Variants in PFKFB3 observed in about 807,000 individuals in gnomAD.
PFKFB3 encodes 6-phosphofructo-2-kinase/fructose-2,6-biphosphatase 3.
In PFKFB3, 33 loss-of-function variants were observed where a neutral mutation model predicts 68.0. The observed-to-expected ratio is 0.49, with a 90% CI of 0.37 to 0.65. PFKFB3 has a LOEUF of 0.65. Ranked by LOEUF, PFKFB3 falls within the 30% of genes least tolerant of loss-of-function variation. The pLI is 0.00. For synonymous variants in PFKFB3, 315 were observed against 288.2 expected (o/e 1.09, Z -0.94); for missense variants, 586 against 712.2 (o/e 0.82, Z 2.02).
At chr10:6,213,506 G>T in intron 1 of PFKFB3, 117 bp from the exon 2 acceptor site, 1 of 1,229,906 alleles carries the variant, frequency 8.1e-7, no homozygotes, top group South Asian at 1.4e-5. Context: ...AACAGAGTGA[G>T]ACCCTGTCTC....
At chr10:6,238,477 CAAAAAAAAAAAA>C (rs71390201), downstream of PFKFB3, among the ~76,000 whole-genome samples, 182 of 89,544 alleles carry the variant, frequency 2.0e-3, 1 homozygote, top group Non-Finnish European at 2.7e-3. Flanking sequence ...GGTGCCATCT[CAAAAAAAAAAAA>C]AAAAAAAAAA....
chr10:6,284,489 T>C, the PFKFB3 span, among the ~76,000 whole-genome samples: 1 of 152,354 alleles, frequency 6.6e-6, no homozygotes, highest in East Asian at 1.9e-4. Context: ...CTGAAATTAA[T>C]ACAAATACTC....
chr10:6,223,260 C>A (rs188331759), intron 11 of PFKFB3, among the ~76,000 whole-genome samples: 57 of 152,316 alleles, frequency 3.7e-4, no homozygotes, highest in African/African-American at 1.3e-3. Context: ...CTCCACACAT[C>A]CCAGGGTCTT....
intron 1 of PFKFB3, among the ~76,000 whole-genome samples, chr10:6,177,462 T>TTCTTTCTTTCTTTC (rs1842550352): frequency 1.5e-5 from 2 of 132,276 alleles, no homozygotes; most frequent in South Asian, 5.2e-4. Flanking sequence ...CTTTCTTTCT[T>TTCTTTCTTTCTTTC]TCTTTCTTTC....
At chr10:6,156,125 ATATATGTG>A (rs879507963) in intron 1 of PFKFB3, among the ~76,000 whole-genome samples, 8 of 75,992 alleles carry the variant, frequency 1.1e-4, no homozygotes, top group Admixed American at 5.5e-4. Flanking sequence ...ATATGTACAT[ATATATGTG>A]TGTGTGTGTG....
At chr10:6,221,004 C>T (rs532448175) in intron 8 of PFKFB3, 139 bp downstream of exon 8, 66 of 810,682 alleles carry the variant, frequency 8.1e-5, no homozygotes, top group Non-Finnish European at 1.3e-4. Context: ...TCTGTGTGTG[C>T]GCCTGCACGT....
At position 6,203,189 on chromosome 10, in the gene PFKFB3, G is replaced by C. The variant is rs1010145020; in HGVS notation, c.-72G>C. ...CCCCCTCTCCTCCTTTGTTCCGGGG[G>C]TCGGCGGCCGCTCTCCTGCCAGCGT... On this transcript the variant is annotated 5_prime_UTR_variant, in exon 1 of 15. Coordinates refer to ENST00000379775, the MANE Select transcript of PFKFB3 (RefSeq NM_004566.4). The C allele has an allele frequency of 1.9e-6, 3 of 1,565,466 alleles. No homozygotes were observed. The highest frequency in any genetic ancestry group is 4.7e-5 in the East Asian group (2 of 42,134).
At chr10:6,180,189 A>C (rs955865254) in intron 1 of PFKFB3, among the ~76,000 whole-genome samples, 11 of 148,144 alleles carry the variant, frequency 7.4e-5, no homozygotes, top group South Asian at 4.4e-4. Context: ...AAGAAAAAAA[A>C]AATGCTGTAA....
At chr10:6,325,111 C>T in the PFKFB3 span, among the ~76,000 whole-genome samples, 2 of 151,984 alleles carry the variant, frequency 1.3e-5, no homozygotes, top group African/African-American at 2.4e-5. Context: ...TTACAGGCGC[C>T]GGCCACCACA....
intron 1 of PFKFB3, among the ~76,000 whole-genome samples, chr10:6,152,508 T>C (rs1467790626): frequency 6.6e-6 from 1 of 152,006 alleles, no homozygotes; most frequent in Admixed American, 6.6e-5. Flanking sequence ...TCTGGGACGT[T>C]TGCACGAGGA....
chr10:6,176,523 C>G (rs1285102699), intron 1 of PFKFB3, among the ~76,000 whole-genome samples: 1 of 152,146 alleles, frequency 6.6e-6, no homozygotes, highest in Admixed American at 6.5e-5. Context: ...CCACCCACCT[C>G]AGCCTCCTAG....
chr10:6,254,592 C>A, exon 15 of PFKFB3: 1 of 367,970 alleles, frequency 2.7e-6, no homozygotes, highest in Non-Finnish European at 4.8e-6. Context: ...TCCCATACAA[C>A]CATTCTGTTT....
the PFKFB3 span, among the ~76,000 whole-genome samples, chr10:6,300,482 G>A: frequency 6.6e-6 from 1 of 152,186 alleles, no homozygotes; most frequent in Non-Finnish European, 1.5e-5. Flanking sequence ...CCCTCTCTCT[G>A]TGCCTATGCA....
chr10:6,167,401 G>T (rs1271671323), intron 1 of PFKFB3, among the ~76,000 whole-genome samples: 1 of 152,180 alleles, frequency 6.6e-6, no homozygotes. Flanking sequence ...CTGAGCTCCT[G>T]GATTCATTTG....
chr10:6,285,710 C>T, the PFKFB3 span, among the ~76,000 whole-genome samples: 9 of 152,072 alleles, frequency 5.9e-5, no homozygotes, highest in Admixed American at 5.2e-4. Context: ...TTAATGACTC[C>T]CTATTTCCCC....
intron 1 of PFKFB3, among the ~76,000 whole-genome samples, chr10:6,169,465 G>A (rs774434127): frequency 5.9e-5 from 9 of 152,114 alleles, no homozygotes; most frequent in East Asian, 1.9e-4. Flanking sequence ...GGAGACTGGC[G>A]TCACCCATAA....
chr10:6,318,618 A>G, the PFKFB3 span, among the ~76,000 whole-genome samples: 1 of 152,104 alleles, frequency 6.6e-6, no homozygotes, highest in African/African-American at 2.4e-5. Flanking sequence ...CCTGACCACG[A>G]AGATTTGTCT....
chr10:6,204,771 A>G (rs1588468830), intron 1 of PFKFB3, among the ~76,000 whole-genome samples: 1 of 152,400 alleles, frequency 6.6e-6, no homozygotes, highest in Middle Eastern at 3.4e-3. Context: ...AGGTTTGGCC[A>G]AGGCCAAATG....
At chr10:6,156,952 C>A (rs909099701) in intron 1 of PFKFB3, among the ~76,000 whole-genome samples, 1 of 151,000 alleles carries the variant, frequency 6.6e-6, no homozygotes, top group African/African-American at 2.4e-5. Context: ...ATTAGCTGGG[C>A]GTGGTGGCAG....
Sources: gnomAD v4.1 joint callset for allele counts (sites outside exome capture counted in the v4.1 genomes callset) on GRCh38, gnomAD v4.1.1 for gene constraint, MANE v1.5 for transcripts, NCBI Gene and HGNC (gene_info 2026-07-23, HGNC 2026-07-21) for gene names.